Variants in CCDC170 observed in about 807,000 individuals in gnomAD.
The protein encoded by CCDC170 is coiled-coil domain containing 170.
Under a neutral mutation model 72.6 loss-of-function variants are expected in CCDC170, and 69 were observed. The observed-to-expected ratio is 0.95, with a 90% CI of 0.78 to 1.16. The LOEUF (loss-of-function observed/expected upper bound fraction) is 1.16, where lower values mean the gene tolerates loss of function less well. CCDC170 is among the 50% of genes most tolerant of loss of function. The probability of loss-of-function intolerance (pLI) is 0.00; values close to 1 mark genes in which losing one functional copy is unlikely to be tolerated. For missense variants in CCDC170, 852 were observed against 832.5 expected (o/e 1.02, Z -0.29); for synonymous variants, 300 against 303.9 (o/e 0.99, Z 0.13).
intron 6 of CCDC170, among the ~76,000 whole-genome samples, chr6:151,575,505 C>T (rs1248932376): frequency 7.0e-6 from 1 of 141,898 alleles, no homozygotes; most frequent in Non-Finnish European, 1.5e-5. Flanking sequence ...TAGCCAAGCA[C>T]ATTTTCTTTT....
At chr6:151,579,440 G>T (rs760915067) in intron 6 of CCDC170, among the ~76,000 whole-genome samples, 3 of 152,202 alleles carry the variant, frequency 2.0e-5, no homozygotes, top group Non-Finnish European at 4.4e-5. Context: ...TGATCTGATA[G>T]AGTGCAGGAG....
intron 6 of CCDC170, among the ~76,000 whole-genome samples, chr6:151,579,355 C>T (rs1776349530): frequency 1.3e-5 from 2 of 152,234 alleles, no homozygotes; most frequent in Admixed American, 1.3e-4. Flanking sequence ...ATTAATTTAT[C>T]TAAATTTAGT....
chr6:151,610,963 A>G lies in CCDC170; in HGVS notation c.1711-4480A>G, dbSNP rs1438799586. Among the ~76,000 whole-genome samples, 4 of 152,210 alleles carry G rather than the reference A, an allele frequency of 2.6e-5. No homozygotes were observed. The East Asian group carries it at 7.7e-4, about 29-fold the overall frequency. ...CTTTGATGCAGCCAGGTCAATAGCT[A>G]CAAACCTATCTGAGAATGTCTGCCA... On this transcript the variant is annotated intron_variant, in intron 9 of 10. Coordinates refer to ENST00000239374, the MANE Select transcript of CCDC170 (RefSeq NM_025059.4).
intron 1 of CCDC170, among the ~76,000 whole-genome samples, chr6:151,527,050 A>ATT (rs56941290): frequency 0.075 from 5,249 of 69,536 alleles, 301 homozygotes; most frequent in Non-Finnish European, 0.099. Flanking sequence ...ATGCTTAGCT[A>ATT]TTTTTTTTTT....
intron 3 of CCDC170, among the ~76,000 whole-genome samples, chr6:151,540,399 T>TTTC (rs1359105569): frequency 7.7e-6 from 1 of 130,514 alleles, no homozygotes; most frequent in Admixed American, 7.6e-5. Context: ...TTTTTTTTTT[T>TTTC]TTTGTGACAG....
At position 151,538,147 on chromosome 6, in the gene CCDC170, C is replaced by T. The variant is rs760465013; in HGVS notation, c.289C>T (p.Leu97Phe). 7.4e-6 allele frequency: 12 copies of T among 1,613,874 alleles called. No individual in the cohort carries two copies. Among genetic ancestry groups the T allele is most frequent in the African/African-American group, 1.3e-5 (1 of 74,924 alleles). Residue 97 changes from leucine (L) to phenylalanine (F), a missense_variant, in exon 3 of 11, where the codon CTC becomes TTC. Leu to Phe is a conservative substitution (Grantham distance 22). Coordinates refer to ENST00000239374, the MANE Select transcript of CCDC170 (RefSeq NM_025059.4). ...YKENNARKSS[L>F]LTSLRDRVQE... ...GGAAAACAATGCCAGAAAATCATCTCTCCTTACCTCTTTGAGAGACAGAGT... is the reference window on the plus strand; with the variant it reads ...GGAAAACAATGCCAGAAAATCATCTTTCCTTACCTCTTTGAGAGACAGAGT...
chr6:151,494,272 T>C, intron 1 of CCDC170, 87 bp downstream of exon 1: 1 of 1,316,124 alleles, frequency 7.6e-7, no homozygotes, highest in Non-Finnish European at 1.0e-6. Context: ...ATTTGCACCC[T>C]TTTCCTCCCG....
chr6:151,552,026 GTT>G (rs34498397), intron 5 of CCDC170, among the ~76,000 whole-genome samples: 2,769 of 129,610 alleles, frequency 0.021, 93 homozygotes, highest in African/African-American at 0.068. Flanking sequence ...TTAGTGTCAG[GTT>G]TTTTTTTTTT....
At chr6:151,504,896 G>A (rs948466061) in intron 1 of CCDC170, among the ~76,000 whole-genome samples, 6 of 151,858 alleles carry the variant, frequency 4.0e-5, no homozygotes, top group African/African-American at 1.5e-4. Flanking sequence ...ATATCAAGTT[G>A]TGAGTGGGTG....
intron 6 of CCDC170, among the ~76,000 whole-genome samples, chr6:151,577,878 T>G (rs558515873): frequency 2.6e-5 from 4 of 152,310 alleles, no homozygotes; most frequent in African/African-American, 9.6e-5. Flanking sequence ...TAATCCCTGA[T>G]GATCTGAGGT....
chr6:151,589,668 T>C (rs1270155442), intron 7 of CCDC170, among the ~76,000 whole-genome samples: 2 of 152,216 alleles, frequency 1.3e-5, no homozygotes, highest in African/African-American at 2.4e-5. Flanking sequence ...TTGTTCTTTG[T>C]GCCTCAGATT....
At chr6:151,520,147 G>A (rs1782296515) in intron 1 of CCDC170, among the ~76,000 whole-genome samples, 1 of 152,188 alleles carries the variant, frequency 6.6e-6, no homozygotes, top group Admixed American at 6.5e-5. Context: ...AGTATTGCAT[G>A]TTTACATTGT....
intron 1 of CCDC170, among the ~76,000 whole-genome samples, chr6:151,515,839 G>A (rs542339539): frequency 2.6e-5 from 4 of 152,222 alleles, no homozygotes; most frequent in East Asian, 1.9e-4. Context: ...AGTCCGAAGC[G>A]GGTGGATCAC....
At chr6:151,546,119 C>T (rs1189583081) in intron 4 of CCDC170, among the ~76,000 whole-genome samples, 1 of 152,168 alleles carries the variant, frequency 6.6e-6, no homozygotes, top group Non-Finnish European at 1.5e-5. Flanking sequence ...CAGGTGTCTA[C>T]TAGTGAGCTT....
chr6:151,525,986 T>C (rs1782400036), intron 1 of CCDC170, among the ~76,000 whole-genome samples: 1 of 152,146 alleles, frequency 6.6e-6, no homozygotes, highest in Non-Finnish European at 1.5e-5. Flanking sequence ...ATTTTACATA[T>C]CCCTCCATTA....
chr6:151,510,759 A>G (rs1782135315), intron 1 of CCDC170, among the ~76,000 whole-genome samples: 1 of 150,480 alleles, frequency 6.6e-6, no homozygotes, highest in Admixed American at 6.6e-5. Context: ...TTTTTTTTAT[A>G]GAGTCTCGCT....
At chr6:151,507,772 T>C (rs1782086120) in intron 1 of CCDC170, among the ~76,000 whole-genome samples, 1 of 151,936 alleles carries the variant, frequency 6.6e-6, no homozygotes, top group Non-Finnish European at 1.5e-5. Context: ...AATACAAACA[T>C]TAGCTGGGTG....
In CCDC170 at chr6:151,522,505, G is replaced by A. The variant is rs182791707; in HGVS notation, c.58-13813G>A. ...AATTACCTGCTACCTGCTCTGCCCT[G>A]ACTGGCGCCAAAGTACTCACCCCGT... On this transcript the variant is annotated intron_variant, in intron 1 of 10. Transcript: ENST00000239374. 1.7e-4 allele frequency among the ~76,000 whole-genome samples: 26 copies of A among 152,174 alleles called. No individual in the cohort carries two copies. The East Asian group carries it at 4.8e-3, about 28-fold the overall frequency.
intron 9 of CCDC170, among the ~76,000 whole-genome samples, chr6:151,599,026 A>G (rs1047180635): frequency 6.6e-6 from 1 of 152,206 alleles, no homozygotes; most frequent in African/African-American, 2.4e-5. Context: ...CAAAGAAGCT[A>G]GAAAAGAAAA....
Sources: allele counts gnomAD v4.1 joint callset (sites outside exome capture counted in the v4.1 genomes callset), GRCh38; gene constraint gnomAD v4.1.1; transcripts MANE v1.5; gene names NCBI Gene and HGNC (gene_info 2026-07-23, HGNC 2026-07-21).